PCDHA2: variants seen among roughly 807,000 people sequenced by gnomAD.
PCDHA2 encodes the protein protocadherin alpha 2.
In PCDHA2, 58 loss-of-function variants were observed where a neutral mutation model predicts 66.0. The observed-to-expected ratio is 0.88, with a 90% CI of 0.71 to 1.09. PCDHA2 has a LOEUF of 1.09. PCDHA2 is among the 50% of genes least tolerant of loss of function. PCDHA2 has a pLI of 0.00. For missense variants in PCDHA2, 1,267 were observed against 1,242.3 expected, an observed-to-expected ratio of 1.02 and a Z score of -0.30; for synonymous variants, 634 against 554.0, an observed-to-expected ratio of 1.14 and a Z score of -2.03.
intron 1 of PCDHA2, chr5:140,876,785 C>T (rs1554168921): frequency 3.1e-6 from 5 of 1,614,206 alleles, no homozygotes; most frequent in Admixed American, 1.7e-5. Flanking sequence ...CTGTGGGCCA[C>T]GGCTAGAGTG....
At chr5:140,831,424 A>G (rs2150194380) in intron 1 of PCDHA2, among the ~76,000 whole-genome samples, 13 of 151,636 alleles carry the variant, frequency 8.6e-5, no homozygotes, top group Non-Finnish European at 1.6e-4. Flanking sequence ...CAGTGGTGCA[A>G]TAATGGCTCA....
chr5:140,806,196 T>C (rs782375652), intron 1 of PCDHA2, among the ~76,000 whole-genome samples: 38 of 152,154 alleles, frequency 2.5e-4, no homozygotes, highest in Non-Finnish European at 4.7e-4. Flanking sequence ...AGAAATGATG[T>C]GGATTACTTA....
intron 1 of PCDHA2, among the ~76,000 whole-genome samples, chr5:140,887,278 A>G (rs782205714): frequency 5.9e-5 from 9 of 151,950 alleles, no homozygotes; most frequent in Non-Finnish European, 8.8e-5. Flanking sequence ...TTGTATTTTT[A>G]GTAGAGATGG....
rs149618945 is a variant in PCDHA2 at position 140,795,088 on chromosome 5, G to A, written c.124G>A (p.Gly42Ser). The change falls in exon 1 of 4, where the codon GGC (glycine) becomes AGC (serine). Residue 42 changes from glycine to serine, a missense_variant. By Grantham distance (56) the Gly-to-Ser change is moderately conservative. Coordinates refer to ENST00000526136, the MANE Select transcript of PCDHA2 (RefSeq NM_018905.3). ...RYSVPEEAKH[G>S]TFVGRIAQDL... ...CTCCGTCCCCGAGGAGGCCAAACAC[G>A]GCACCTTCGTGGGCCGCATCGCGCA... 116 of 1,613,996 alleles carry A rather than the reference G, an allele frequency of 7.2e-5. 1 individual carries two copies. In the African/African-American group the frequency reaches 1.4e-3, roughly 20 times the overall value.
chr5:140,984,550 A>C (rs1486017679), intron 3 of PCDHA2, among the ~76,000 whole-genome samples: 1 of 152,134 alleles, frequency 6.6e-6, no homozygotes, highest in Non-Finnish European at 1.5e-5. Flanking sequence ...GATAGAGCTT[A>C]CATCTTCCAA....
At chr5:140,835,513 G>A in intron 1 of PCDHA2, 1 of 1,613,936 alleles carries the variant, frequency 6.2e-7, no homozygotes, top group Non-Finnish European at 8.5e-7. Context: ...GTGTTTGACC[G>A]AGATTTTGGA....
chr5:140,961,435 C>T (rs1554225413), intron 1 of PCDHA2, among the ~76,000 whole-genome samples: 1 of 152,174 alleles, frequency 6.6e-6, no homozygotes, highest in Non-Finnish European at 1.5e-5. Flanking sequence ...TACAAAATCA[C>T]CTAACTACAC....
chr5:140,895,692 A>G (rs1367486030), intron 1 of PCDHA2, among the ~76,000 whole-genome samples: 1 of 152,138 alleles, frequency 6.6e-6, no homozygotes, highest in African/African-American at 2.4e-5. Flanking sequence ...CTGTTTCTAT[A>G]TTAATTCACT....
At chr5:140,876,760 G>A (rs2056562687) in intron 1 of PCDHA2, 4 of 1,614,234 alleles carry the variant, frequency 2.5e-6, no homozygotes, top group South Asian at 2.2e-5. Flanking sequence ...TGCGCGGGAT[G>A]GGGGCTCGCC....
At chr5:140,862,451 C>A (rs1554156361) in intron 1 of PCDHA2, 4 of 365,784 alleles carry the variant, frequency 1.1e-5, no homozygotes, top group African/African-American at 2.1e-5. Flanking sequence ...TCCACAGCGC[C>A]CTGGACCAAG....
Position 141,009,784 on chromosome 5 carries a change from G to T in PCDHA2, c.2694G>T (p.Arg898=). The T allele has an allele frequency of 6.2e-7, 1 of 1,614,054 alleles. No individual in the cohort carries two copies. The highest frequency in any genetic ancestry group is 8.5e-7 in the Non-Finnish European group (1 of 1,180,018). ...GATCTCCTGCAATCATCTCCATCCG[G>T]CAGGAGCCTACTAACAGCCAAATTG... ...IPGSPAIISI[R]QEPTNSQIDK... The change falls in exon 4 of 4, where the codon CGG becomes CGT. Residue 898 remains arginine (R), a synonymous_variant. Coordinates refer to ENST00000526136, the MANE Select transcript of PCDHA2 (RefSeq NM_018905.3).
intron 1 of PCDHA2, among the ~76,000 whole-genome samples, chr5:140,891,372 G>A (rs1256551608): frequency 1.3e-5 from 2 of 151,962 alleles, no homozygotes; most frequent in Non-Finnish European, 2.9e-5. Flanking sequence ...AGTATACATT[G>A]CACCATATTT....
intron 1 of PCDHA2, chr5:140,866,543 G>A (rs1329299752): frequency 3.3e-5 from 5 of 152,066 alleles, no homozygotes; most frequent in South Asian, 2.1e-4. Context: ...TTAGCATCAC[G>A]GAATAAATCC....
chr5:140,845,922 T>C (rs2150382652), intron 1 of PCDHA2, among the ~76,000 whole-genome samples: 7 of 149,894 alleles, frequency 4.7e-5, no homozygotes, highest in African/African-American at 7.3e-5. Flanking sequence ...CTTATTTTTG[T>C]GTAAAACTAT....
At chr5:140,860,243 C>G (rs189216184) in intron 1 of PCDHA2, 1 of 151,206 alleles carries the variant, frequency 6.6e-6, no homozygotes, top group Non-Finnish European at 1.5e-5. Context: ...CATGGTGGTA[C>G]ATGCCTTTAG....
chr5:140,933,752 A>T (rs1308245960), intron 1 of PCDHA2, among the ~76,000 whole-genome samples: 1 of 152,068 alleles, frequency 6.6e-6, no homozygotes, highest in African/African-American at 2.4e-5. Context: ...AGAATTCACT[A>T]GTGAAGCTCT....
chr5:140,891,226 C>T (rs1417836006), intron 1 of PCDHA2, among the ~76,000 whole-genome samples: 1 of 152,026 alleles, frequency 6.6e-6, no homozygotes, highest in Admixed American at 6.6e-5. Flanking sequence ...TTATAATCAT[C>T]CTGTTCTGGA....
rs145265581 is a variant in PCDHA2, at chr5:140,822,948, C to G, written c.2388+25596C>G. The G allele has an allele frequency of 1.9e-5, 31 of 1,614,076 alleles. No homozygotes were observed. In the African/African-American group the frequency reaches 2.4e-4, roughly 13 times the overall value. ...AGGTGACCTGCTCCCTAATGCCCCACGTTCCCTTCAAGCTGGTGTCCACCT... is the reference window on the plus strand; with the variant it reads ...AGGTGACCTGCTCCCTAATGCCCCAGGTTCCCTTCAAGCTGGTGTCCACCT... On this transcript the variant is annotated intron_variant, in intron 1 of 3. Coordinates refer to ENST00000526136, the MANE Select transcript of PCDHA2 (RefSeq NM_018905.3).
At chr5:140,840,992 T>G (rs2150176652) in intron 1 of PCDHA2, among the ~76,000 whole-genome samples, 1 of 152,166 alleles carries the variant, frequency 6.6e-6, no homozygotes, top group African/African-American at 2.4e-5. Context: ...TAGCTGAAAC[T>G]AATGTAAGGA....
Sources: allele counts gnomAD v4.1 joint callset (sites outside exome capture counted in the v4.1 genomes callset), GRCh38; gene constraint gnomAD v4.1.1; transcripts MANE v1.5; gene names NCBI Gene and HGNC (gene_info 2026-07-23, HGNC 2026-07-21).